The following ITFG1 variants were observed in gnomAD, a reference collection of about 807,000 sequenced individuals.
The protein encoded by ITFG1 is T-cell immunomodulatory protein.
In ITFG1, 34 loss-of-function variants were observed where a neutral mutation model predicts 81.8. The observed-to-expected ratio is 0.42, with a 90% CI of 0.32 to 0.55. ITFG1 has a LOEUF of 0.55. ITFG1 is among the 20% of genes least tolerant of loss of function. ITFG1 has a pLI of 0.17. For synonymous variants in ITFG1, 285 were observed against 270.6 expected (o/e 1.05, Z -0.52); for missense variants, 672 against 755.4 (o/e 0.89, Z 1.29).
intron 14 of ITFG1, among the ~76,000 whole-genome samples, chr16:47,179,626 AGTT>A: frequency 6.7e-6 from 1 of 149,018 alleles, no homozygotes; most frequent in Middle Eastern, 3.2e-3. Context: ...ACCTTCATAA[AGTT>A]GTTTTTATTT....
At chr16:47,317,335 T>C (rs969947744) in intron 8 of ITFG1, among the ~76,000 whole-genome samples, 6 of 152,182 alleles carry the variant, frequency 3.9e-5, no homozygotes, top group African/African-American at 1.4e-4. Context: ...TTACAATGAA[T>C]TTTTATATAT....
chr16:47,201,212 T>TG (rs1016893542), intron 14 of ITFG1, among the ~76,000 whole-genome samples: 16 of 151,364 alleles, frequency 1.1e-4, no homozygotes, highest in African/African-American at 3.9e-4. Context: ...GGAGAATTTT[T>TG]TTTTTTTTTT....
At chr16:47,399,981 T>C (rs1968640152) in intron 6 of ITFG1, among the ~76,000 whole-genome samples, 1 of 152,220 alleles carries the variant, frequency 6.6e-6, no homozygotes, top group Non-Finnish European at 1.5e-5. Flanking sequence ...ATACACTGAT[T>C]ATGCTCCAGA....
intron 10 of ITFG1, among the ~76,000 whole-genome samples, chr16:47,298,618 G>A (rs1392337545): frequency 6.6e-6 from 1 of 152,162 alleles, no homozygotes; most frequent in Non-Finnish European, 1.5e-5. Context: ...AATGGCAGTT[G>A]TAGTAGCTGT....
intron 6 of ITFG1, among the ~76,000 whole-genome samples, chr16:47,385,788 G>A (rs1363327995): frequency 3.9e-5 from 6 of 152,114 alleles, no homozygotes; most frequent in Non-Finnish European, 8.8e-5. Context: ...ATGTCAAAGG[G>A]CCTTACAAGA....
chr16:47,183,438 C>G (rs201524677), intron 14 of ITFG1, among the ~76,000 whole-genome samples: 2 of 152,122 alleles, frequency 1.3e-5, no homozygotes, highest in African/African-American at 4.8e-5. Context: ...GATCTGAGAA[C>G]GGGCAGACTG....
intron 10 of ITFG1, among the ~76,000 whole-genome samples, 182 bp downstream of exon 10, chr16:47,311,058 A>G (rs1221220613): frequency 3.3e-5 from 5 of 152,128 alleles, no homozygotes; most frequent in Admixed American, 3.3e-4. Context: ...GAAAAAAAAA[A>G]AAACAACTAA....
At chr16:47,430,459 C>T (rs1013940355) in intron 5 of ITFG1, among the ~76,000 whole-genome samples, 58 of 152,012 alleles carry the variant, frequency 3.8e-4, no homozygotes, top group African/African-American at 1.4e-3. Context: ...GGTACCATAT[C>T]AAAGAATCCA....
At chr16:47,313,184 C>T (rs1221297174) in intron 9 of ITFG1, 3 of 152,154 alleles carry the variant, frequency 2.0e-5, no homozygotes, top group Non-Finnish European at 4.4e-5. Flanking sequence ...TATGATGCTC[C>T]TTTTCCATAA....
At chr16:47,344,825 T>C in intron 8 of ITFG1, among the ~76,000 whole-genome samples, 2 of 152,338 alleles carry the variant, frequency 1.3e-5, no homozygotes, top group South Asian at 4.1e-4. Flanking sequence ...TGGGATGTTG[T>C]CTTTCTGTGC....
intron 5 of ITFG1, among the ~76,000 whole-genome samples, chr16:47,433,792 T>TATATATATATATATATAC (rs1491145615): frequency 8.1e-5 from 11 of 135,652 alleles, no homozygotes; most frequent in African/African-American, 2.8e-4. Flanking sequence ...TATATATATA[T>TATATATATATATATATAC]ACACACACAC....
chr16:47,335,319 T>A (rs139083973), intron 8 of ITFG1, among the ~76,000 whole-genome samples: 1 of 151,912 alleles, frequency 6.6e-6, no homozygotes, highest in Admixed American at 6.6e-5. Flanking sequence ...ATCATGCCCA[T>A]TGCACTCCAG....
chr16:47,176,724 T>C (rs1209364889), intron 14 of ITFG1, among the ~76,000 whole-genome samples: 1 of 152,196 alleles, frequency 6.6e-6, no homozygotes, highest in Non-Finnish European at 1.5e-5. Context: ...AGGTTATTCT[T>C]CTTTCTGGTA....
At chr16:47,231,761 T>A (rs906297167) in intron 13 of ITFG1, among the ~76,000 whole-genome samples, 2 of 152,208 alleles carry the variant, frequency 1.3e-5, no homozygotes, top group African/African-American at 4.8e-5. Context: ...TTCCTCTAAT[T>A]TTAACAATAA....
chr16:47,423,251 AT>A (rs748793229), intron 6 of ITFG1, among the ~76,000 whole-genome samples: 36,852 of 118,264 alleles, frequency 0.31, 3,661 homozygotes, highest in Non-Finnish European at 0.36. Flanking sequence ...GCAATCCCTG[AT>A]TTTTTTTTTT....
intron 8 of ITFG1, among the ~76,000 whole-genome samples, chr16:47,351,781 T>C (rs1358115428): frequency 6.6e-6 from 1 of 152,090 alleles, no homozygotes; most frequent in African/African-American, 2.4e-5. Flanking sequence ...AGAAGAAAGG[T>C]GGAGGCATCA....
At chr16:47,168,483 A>G (rs911656277) in intron 14 of ITFG1, among the ~76,000 whole-genome samples, 2 of 151,650 alleles carry the variant, frequency 1.3e-5, no homozygotes, top group African/African-American at 4.9e-5. Flanking sequence ...CAGTGATCCC[A>G]GCTCAGCTTC....
intron 12 of ITFG1, among the ~76,000 whole-genome samples, chr16:47,248,475 C>A (rs1459502857): frequency 6.6e-6 from 1 of 152,076 alleles, no homozygotes; most frequent in East Asian, 1.9e-4. Flanking sequence ...CTGGCATAAT[C>A]AAAAAAGTAA....
intron 2 of ITFG1, among the ~76,000 whole-genome samples, chr16:47,457,788 A>G (rs1473141682): frequency 6.6e-6 from 1 of 152,018 alleles, no homozygotes; most frequent in African/African-American, 2.4e-5. Context: ...TTAATTTCTA[A>G]TAAAAAAAAA....
Sources: allele counts gnomAD v4.1 joint callset (sites outside exome capture counted in the v4.1 genomes callset), GRCh38; gene constraint gnomAD v4.1.1; transcripts MANE v1.5; gene names NCBI Gene and HGNC (gene_info 2026-07-23, HGNC 2026-07-21).